Variants in GLMN observed in about 807,000 individuals in gnomAD.
GLMN encodes glomulin.
Under a neutral mutation model 87.8 loss-of-function variants are expected in GLMN, and 75 were observed. That is an observed-to-expected ratio of 0.85 (90% CI 0.71 to 1.04). GLMN has a LOEUF of 1.04. Ranked by LOEUF, GLMN falls within the 50% of genes least tolerant of loss-of-function variation. The pLI is 0.00. For synonymous variants in GLMN, 206 were observed against 221.6 expected, an observed-to-expected ratio of 0.93 and a Z score of 0.63; for missense variants, 588 against 658.8, an observed-to-expected ratio of 0.89 and a Z score of 1.18.
At chr1:92,352,743 A>G in the GLMN span, among the ~76,000 whole-genome samples, 4 of 152,352 alleles carry the variant, frequency 2.6e-5, no homozygotes, top group Non-Finnish European at 4.4e-5. Flanking sequence ...CAAAATATAC[A>G]ATTCACTGGT....
At chr1:92,317,369 G>A in the GLMN span, among the ~76,000 whole-genome samples, 4 of 151,912 alleles carry the variant, frequency 2.6e-5, no homozygotes, top group African/African-American at 4.8e-5. Flanking sequence ...TGAGCTGGGC[G>A]TAGTGGCGGG....
chr1:92,369,166 ATTATT>A, the GLMN span, among the ~76,000 whole-genome samples: 1 of 152,228 alleles, frequency 6.6e-6, no homozygotes, highest in African/African-American at 2.4e-5. Flanking sequence ...TTCTCTGCTG[ATTATT>A]TTAATAAGTA....
upstream of GLMN, among the ~76,000 whole-genome samples, chr1:92,302,969 C>T (rs1347725082): frequency 6.6e-6 from 1 of 151,974 alleles, no homozygotes; most frequent in Non-Finnish European, 1.5e-5. Flanking sequence ...GAAGCCAAGG[C>T]GGTAGGATCG....
rs537318979 is a variant in GLMN at position 92,251,429 on chromosome 1, C to A, written c.1474-3440G>T. On this transcript the variant is annotated intron_variant, in intron 16 of 18. Transcript: ENST00000370360. Reference sequence around the variant, plus strand: ...GAAAAAAAAATCTCTCAACCCATATCTCATATCATAAAAAGTTTACTTGAA... The same window carrying A: ...GAAAAAAAAATCTCTCAACCCATATATCATATCATAAAAAGTTTACTTGAA... Among the ~76,000 whole-genome samples, 4 of 152,142 alleles carry A rather than the reference C, an allele frequency of 2.6e-5. No individual in the cohort carries two copies. The South Asian group carries it at 8.3e-4, about 32-fold the overall frequency.
intron 16 of GLMN, among the ~76,000 whole-genome samples, chr1:92,258,032 T>A (rs1246734037): frequency 6.6e-6 from 1 of 151,542 alleles, no homozygotes; most frequent in Non-Finnish European, 1.5e-5. Context: ...AGGGCTAATA[T>A]CCAGAATCTA....
At chr1:92,316,320 CTG>C in the GLMN span, among the ~76,000 whole-genome samples, 3 of 152,156 alleles carry the variant, frequency 2.0e-5, no homozygotes, top group Non-Finnish European at 4.4e-5. Flanking sequence ...ACAGCCACCT[CTG>C]TTGCTTGGTA....
chr1:92,337,871 A>G, the GLMN span, among the ~76,000 whole-genome samples: 1 of 152,150 alleles, frequency 6.6e-6, no homozygotes, highest in African/African-American at 2.4e-5. Flanking sequence ...ACTAGTAGGT[A>G]ATACATTTCT....
At chr1:92,346,677 A>C in the GLMN span, among the ~76,000 whole-genome samples, 2 of 152,254 alleles carry the variant, frequency 1.3e-5, no homozygotes, top group Non-Finnish European at 2.9e-5. Context: ...AAAATCTGAC[A>C]GGTTTAAAGG....
intron 15 of GLMN, 141 bp from the exon 16 acceptor site, chr1:92,263,067 A>G (rs906009306): frequency 1.9e-6 from 1 of 518,908 alleles, no homozygotes; most frequent in African/African-American, 1.9e-5. Flanking sequence ...TTGAGTAGTA[A>G]TAACTTATCA....
At chr1:92,321,902 A>ATT in the GLMN span, among the ~76,000 whole-genome samples, 1 of 126,000 alleles carries the variant, frequency 7.9e-6, no homozygotes, top group Non-Finnish European at 1.8e-5. Context: ...AATTCCTGTA[A>ATT]TTTTTTTTTT....
the GLMN span, among the ~76,000 whole-genome samples, chr1:92,364,777 A>G: frequency 1.3e-5 from 2 of 152,094 alleles, no homozygotes; most frequent in Non-Finnish European, 1.5e-5. Context: ...TAGCCCTCCC[A>G]AGCAGGTCTC....
intron 16 of GLMN, among the ~76,000 whole-genome samples, chr1:92,259,006 T>C (rs376938513): frequency 2.0e-5 from 3 of 152,306 alleles, no homozygotes; most frequent in East Asian, 1.9e-4. Context: ...AAAAGCACAC[T>C]CACACAGACT....
chr1:92,330,828 T>C, the GLMN span, among the ~76,000 whole-genome samples: 2 of 152,192 alleles, frequency 1.3e-5, no homozygotes, highest in Non-Finnish European at 2.9e-5. Context: ...ATACAGTGCT[T>C]ACTATACAAT....
the GLMN span, among the ~76,000 whole-genome samples, chr1:92,358,913 A>G: frequency 6.6e-6 from 1 of 152,198 alleles, no homozygotes; most frequent in African/African-American, 2.4e-5. Context: ...TAAAAAAAAC[A>G]AAACAGAAAA....
intron 16 of GLMN, among the ~76,000 whole-genome samples, chr1:92,254,172 T>C (rs1437022534): frequency 4.6e-5 from 7 of 151,968 alleles, no homozygotes; most frequent in South Asian, 2.1e-4. Context: ...ATATCAGAGA[T>C]TGAAGATCAA....
the GLMN span, among the ~76,000 whole-genome samples, chr1:92,325,217 C>A: frequency 6.6e-6 from 1 of 152,168 alleles, no homozygotes; most frequent in East Asian, 1.9e-4. Context: ...TGGGTAATAA[C>A]CTTGTTTTTA....
chr1:92,291,639 A>G, intron 3 of GLMN, 102 bp from the exon 4 acceptor site: 3 of 1,114,846 alleles, frequency 2.7e-6, no homozygotes, highest in Non-Finnish European at 4.1e-6. Flanking sequence ...CTGAAATAGG[A>G]AGATGAGACA....
At chr1:92,281,003 G>C (rs1647972840) in intron 7 of GLMN, among the ~76,000 whole-genome samples, 1 of 152,230 alleles carries the variant, frequency 6.6e-6, no homozygotes, top group African/African-American at 2.4e-5. Flanking sequence ...TGGTGCACCG[G>C]AAAGTGACAG....
chr1:92,361,626 TAAAAG>T, the GLMN span, among the ~76,000 whole-genome samples: 1 of 152,182 alleles, frequency 6.6e-6, no homozygotes, highest in African/African-American at 2.4e-5. Context: ...TATTTAGCCT[TAAAAG>T]AATTGCTACT....
Sources: allele counts gnomAD v4.1 joint callset (sites outside exome capture counted in the v4.1 genomes callset), GRCh38; gene constraint gnomAD v4.1.1; transcripts MANE v1.5; gene names NCBI Gene and HGNC (gene_info 2026-07-23, HGNC 2026-07-21).